PCDHGA2: variants seen among roughly 807,000 people sequenced by gnomAD.
PCDHGA2 encodes protocadherin gamma-A2.
A neutral mutation model predicts 59.2 loss-of-function variants in PCDHGA2; 40 were observed. The ratio of observed to expected loss-of-function variants is 0.68; its 90% CI spans 0.52 to 0.88. The LOEUF (loss-of-function observed/expected upper bound fraction) is 0.88. Among genes scored for constraint, PCDHGA2 ranks in the 40% least tolerant of loss-of-function variants. The pLI is 0.00. For missense variants in PCDHGA2, 1,226 were observed against 1,204.0 expected (o/e 1.02, Z -0.27); for synonymous variants, 560 against 526.0 (o/e 1.06, Z -0.89).
chr5:141,486,391 C>T lies in PCDHGA2; in HGVS notation c.2425-8416C>T. The T allele has an allele frequency of 6.2e-7, 1 of 1,614,112 alleles. No individual in the cohort carries two copies. The highest frequency in any genetic ancestry group is 8.5e-7 in the Non-Finnish European group (1 of 1,179,984). Reference sequence around the variant, plus strand: ...AGTCTGCCTTCAGGAACCAGTTCTCCCTGGTGACTGCTGGACCCTTGGATC... The same window carrying T: ...AGTCTGCCTTCAGGAACCAGTTCTCTCTGGTGACTGCTGGACCCTTGGATC... On this transcript the variant is annotated intron_variant, in intron 1 of 3. Transcript: ENST00000394576. The surrounding 1 kb of genome is among the most constrained non-coding windows in gnomAD (Gnocchi z 5.0).
intron 1 of PCDHGA2, chr5:141,427,607 T>C (rs1157037825): frequency 1.5e-6 from 1 of 688,594 alleles, no homozygotes; most frequent in Non-Finnish European, 2.7e-6. Context: ...TACGCATTGG[T>C]GAAGTCAACG....
At chr5:141,400,186 TACCTAG>T (rs1474148355) in intron 1 of PCDHGA2, 1 of 1,614,068 alleles carries the variant, frequency 6.2e-7, no homozygotes, top group Non-Finnish European at 8.5e-7. Flanking sequence ...GCTGCAGTTT[TACCTAG>T]TGGTGGCCTT....
intron 1 of PCDHGA2, among the ~76,000 whole-genome samples, chr5:141,435,547 G>T (rs2097769325): frequency 6.6e-6 from 1 of 152,114 alleles, no homozygotes. Context: ...AACAAAATGT[G>T]TTTTGAGTGC....
Position 141,403,961 on chromosome 5 carries a change from G to A in PCDHGA2, c.2424+62566G>A, listed in dbSNP as rs763967342. 8.1e-6 allele frequency: 13 copies of A among 1,613,892 alleles called. No individual in the cohort carries two copies. Among genetic ancestry groups the A allele is most frequent in the Non-Finnish European group, 1.1e-5 (13 of 1,179,856 alleles). On this transcript the variant is annotated intron_variant, in intron 1 of 3. Transcript: ENST00000394576. ...AGGGTGGACAAAAGTGCTCATTTCG[G>A]TGGAAGATGTAAATGACAATAGACC...
intron 1 of PCDHGA2, chr5:141,361,752 G>A (rs1860253): frequency 6.2e-7 from 1 of 1,613,012 alleles, no homozygotes; most frequent in East Asian, 2.2e-5. Flanking sequence ...ACCAGGGCTC[G>A]CCCGCGCTCA....
At chr5:141,449,380 G>C (rs1011160817) in intron 1 of PCDHGA2, among the ~76,000 whole-genome samples, 3 of 151,950 alleles carry the variant, frequency 2.0e-5, no homozygotes, top group African/African-American at 7.3e-5. Flanking sequence ...GCTGAGGCAG[G>C]TGGATTACTT....
chr5:141,379,313 AG>A (rs1433876569), intron 1 of PCDHGA2: 2 of 152,264 alleles, frequency 1.3e-5, no homozygotes, highest in Non-Finnish European at 2.9e-5. Context: ...CCTAAACAAG[AG>A]ATCTAATCAT....
chr5:141,497,512 T>C (rs903352739), intron 2 of PCDHGA2, among the ~76,000 whole-genome samples: 2 of 151,896 alleles, frequency 1.3e-5, no homozygotes, highest in Admixed American at 1.3e-4. Flanking sequence ...TCTGCTTCCT[T>C]AGTTAACTTG....
intron 3 of PCDHGA2, among the ~76,000 whole-genome samples, chr5:141,506,282 C>G (rs1422321122): frequency 6.6e-6 from 1 of 152,040 alleles, no homozygotes; most frequent in East Asian, 1.9e-4. Flanking sequence ...AACCCTGTCT[C>G]TACTAAAAAT....
chr5:141,418,350 T>A, intron 1 of PCDHGA2: 1 of 1,614,002 alleles, frequency 6.2e-7, no homozygotes, highest in Non-Finnish European at 8.5e-7. Context: ...GATATTAGTA[T>A]GAATTCGCTG....
intron 1 of PCDHGA2, chr5:141,430,525 G>C (rs1354801907): frequency 3.3e-5 from 12 of 365,842 alleles, no homozygotes; most frequent in Admixed American, 1.3e-4. Context: ...GCAGTAATTG[G>C]TTAGGACTCT....
At chr5:141,373,933 A>G (rs1769964265) in intron 1 of PCDHGA2, 3 of 692,378 alleles carry the variant, frequency 4.3e-6, no homozygotes, top group South Asian at 3.7e-5. Context: ...ACGGGAAAGC[A>G]GGAAAGCTGT....
rs751034521 is a variant in PCDHGA2, at chr5:141,405,112, C to A, written c.2424+63717C>A. ...TGGCCCTCAGGCTGAGGCACTGGCA[C>A]TCCTCGCATCTGCTGCGGGCTACCA... On this transcript the variant is annotated intron_variant, in intron 1 of 3. Coordinates refer to ENST00000394576, the MANE Select transcript of PCDHGA2 (RefSeq NM_018915.4). 4.5e-5 allele frequency: 73 copies of A among 1,613,868 alleles called. 1 individual carries two copies. The Middle Eastern group carries it at 5.9e-3, about 131-fold the overall frequency.
At chr5:141,345,083 G>T in intron 1 of PCDHGA2, 4 of 1,613,942 alleles carry the variant, frequency 2.5e-6, no homozygotes, top group Non-Finnish European at 3.4e-6. Context: ...TTACAATCAC[G>T]TCTCTCACAA....
intron 1 of PCDHGA2, among the ~76,000 whole-genome samples, chr5:141,373,589 GTGA>G (rs1348028052): frequency 6.6e-6 from 1 of 152,242 alleles, no homozygotes; most frequent in Non-Finnish European, 1.5e-5. Flanking sequence ...GTGGTGAAAT[GTGA>G]TGATAATTCA....
chr5:141,383,662 G>A (rs780831620), intron 1 of PCDHGA2: 10 of 1,614,042 alleles, frequency 6.2e-6, no homozygotes, highest in South Asian at 1.1e-5. Flanking sequence ...CCCCGAGAAT[G>A]TGCCAGTGGG....
chr5:141,399,755 G>C (rs1420211451), intron 1 of PCDHGA2: 1 of 1,613,232 alleles, frequency 6.2e-7, no homozygotes, highest in Non-Finnish European at 8.5e-7. Context: ...GCAAACGTGA[G>C]CCTGCGCGTG....
In PCDHGA2 at chr5:141,360,351, G is replaced by A. The variant is rs188525608; in HGVS notation, c.2424+18956G>A. 7 of 1,613,876 alleles carry A rather than the reference G, an allele frequency of 4.3e-6. No individual in the cohort carries two copies. In the East Asian group the frequency reaches 1.6e-4, roughly 36 times the overall value. Reference sequence around the variant, plus strand: ...GGAAGCTGCGGGTTAGCGCGGAGAAGGAATATTTCACAGTAAACCCAGAAA... The same window carrying A: ...GGAAGCTGCGGGTTAGCGCGGAGAAAGAATATTTCACAGTAAACCCAGAAA... On this transcript the variant is annotated intron_variant, in intron 1 of 3. Transcript: ENST00000394576.
Position 141,485,718 on chromosome 5 carries a change from T to A in PCDHGA2, c.2425-9089T>A, listed in dbSNP as rs562192762. ...TCCAATGAACACTTTGCACTGGATG[T>A]GAAGAAGCGCAGCGACGGCAGCCTG... On this transcript the variant is annotated intron_variant, in intron 1 of 3. Coordinates refer to ENST00000394576, the MANE Select transcript of PCDHGA2 (RefSeq NM_018915.4). The surrounding 1 kb of genome is among the most constrained non-coding windows in gnomAD (Gnocchi z 5.7). 1 of 1,614,058 alleles carries A rather than the reference T, an allele frequency of 6.2e-7. No homozygotes were observed. The highest frequency in any genetic ancestry group is 2.2e-5 in the East Asian group (1 of 44,866).
Sources: gnomAD v4.1 joint callset for allele counts (sites outside exome capture counted in the v4.1 genomes callset) on GRCh38, gnomAD v4.1.1 for gene constraint, Gnocchi (gnomAD v3.1) non-coding constraint, MANE v1.5 for transcripts, NCBI Gene and HGNC (gene_info 2026-07-23, HGNC 2026-07-21) for gene names.